JAZF1: variants seen among roughly 807,000 people sequenced by gnomAD.
JAZF1 encodes the protein JAZF zinc finger 1.
Under a neutral mutation model 26.4 loss-of-function variants are expected in JAZF1, and 8 were observed. That is an observed-to-expected ratio of 0.30 (90% CI 0.18 to 0.55). The LOEUF (loss-of-function observed/expected upper bound fraction) is 0.55, where lower values mean the gene tolerates loss of function less well. Among genes scored for constraint, JAZF1 ranks in the 20% least tolerant of loss-of-function variants. The pLI is 0.94. For missense variants in JAZF1, 199 were observed against 322.0 expected (o/e 0.62, Z 2.92); for synonymous variants, 126 against 122.3 (o/e 1.03, Z -0.20).
At chr7:27,847,265 C>G (rs898873068) in intron 3 of JAZF1, among the ~76,000 whole-genome samples, 1 of 151,596 alleles carries the variant, frequency 6.6e-6, no homozygotes, top group Non-Finnish European at 1.5e-5. Flanking sequence ...GCTGGGATTA[C>G]AGGCATGAAC....
At chr7:27,855,076 C>G (rs1783221368) in intron 3 of JAZF1, among the ~76,000 whole-genome samples, 1 of 152,140 alleles carries the variant, frequency 6.6e-6, no homozygotes, top group South Asian at 2.1e-4. Flanking sequence ...ATTCTCTTTT[C>G]TCTAATTTTG....
At chr7:27,901,880 C>T (rs1784165456) in intron 2 of JAZF1, among the ~76,000 whole-genome samples, 1 of 152,162 alleles carries the variant, frequency 6.6e-6, no homozygotes, top group Non-Finnish European at 1.5e-5. Context: ...ATGATTCCAG[C>T]AATAGCACTG....
chr7:27,860,080 G>A (rs1242096401), intron 3 of JAZF1, among the ~76,000 whole-genome samples: 1 of 152,116 alleles, frequency 6.6e-6, no homozygotes, highest in Non-Finnish European at 1.5e-5. Flanking sequence ...GAGGACCATT[G>A]TTACTCACTG....
chr7:27,973,047 T>C (rs1039767256), intron 2 of JAZF1, among the ~76,000 whole-genome samples: 3 of 151,886 alleles, frequency 2.0e-5, no homozygotes, highest in East Asian at 1.9e-4. Flanking sequence ...TAGAGCTATA[T>C]ATATGCATAT....
At position 27,831,410 on chromosome 7, in the gene JAZF1, A is replaced by G. The variant is rs182074216; in HGVS notation, c.*1390T>C. ...GCTATCTCAAAGCATTTTTTATTGC[A>G]TTATTAGGCAACTGGTAAACTCTCG... is the stretch of plus-strand genomic sequence containing the variant. On this transcript the variant is annotated 3_prime_UTR_variant, in exon 5 of 5. Transcript: ENST00000283928. 160 of 228,182 alleles carry G rather than the reference A, an allele frequency of 7.0e-4. No individual in the cohort carries two copies. Among genetic ancestry groups the G allele is most frequent in the African/African-American group, 3.4e-3 (154 of 45,156 alleles). 14.1% of individuals were successfully genotyped at this position (228,182 alleles called of 1,614,324 possible).
intron 2 of JAZF1, among the ~76,000 whole-genome samples, chr7:27,978,732 C>T (rs892193769): frequency 6.6e-6 from 1 of 152,106 alleles, no homozygotes; most frequent in African/African-American, 2.4e-5. Flanking sequence ...CTCTTGGAGA[C>T]TTAAAATGCA....
At chr7:27,917,502 T>C (rs1016017298) in intron 2 of JAZF1, among the ~76,000 whole-genome samples, 14 of 152,204 alleles carry the variant, frequency 9.2e-5, no homozygotes, top group African/African-American at 3.1e-4. Flanking sequence ...TCCCAGGTGA[T>C]CCTGATGCTG....
intron 3 of JAZF1, among the ~76,000 whole-genome samples, chr7:27,884,576 C>A (rs943224731): frequency 6.6e-6 from 1 of 152,230 alleles, no homozygotes. Flanking sequence ...TGATTTCTGT[C>A]ACTGCAGGTT....
intron 1 of JAZF1, among the ~76,000 whole-genome samples, chr7:28,025,098 A>G (rs939656480): frequency 6.6e-6 from 1 of 152,268 alleles, no homozygotes; most frequent in East Asian, 1.9e-4. Flanking sequence ...ATAATCCCCA[A>G]TCCTAACCTG....
At chr7:28,022,126 C>T (rs578051915) in intron 1 of JAZF1, among the ~76,000 whole-genome samples, 1 of 152,274 alleles carries the variant, frequency 6.6e-6, no homozygotes. Flanking sequence ...TCTATGAAAC[C>T]CAGTCTCAAA....
chr7:28,124,786 A>C (rs80335979), intron 1 of JAZF1, among the ~76,000 whole-genome samples: 2,310 of 152,314 alleles, frequency 0.015, 60 homozygotes, highest in African/African-American at 0.053. Context: ...AATAGGAACT[A>C]ATTTTGCTTT....
intron 1 of JAZF1, among the ~76,000 whole-genome samples, chr7:28,052,419 A>C (rs1783631550): frequency 6.6e-6 from 1 of 152,162 alleles, no homozygotes; most frequent in Middle Eastern, 3.2e-3. Context: ...CAGGTGTAAA[A>C]ATCTACTATA....
chr7:28,027,518 G>T (rs768446238), intron 1 of JAZF1, among the ~76,000 whole-genome samples: 1 of 152,176 alleles, frequency 6.6e-6, no homozygotes, highest in Non-Finnish European at 1.5e-5. Context: ...CCCATGAAAT[G>T]CAAAAATCTG....
At chr7:28,048,999 C>CCTT (rs1783542959) in intron 1 of JAZF1, among the ~76,000 whole-genome samples, 1 of 110,150 alleles carries the variant, frequency 9.1e-6, no homozygotes, top group Non-Finnish European at 2.1e-5. Context: ...TTCCTTCCTT[C>CCTT]CCTTCCTTCC....
chr7:28,178,541 T>C (rs898215568), intron 1 of JAZF1, among the ~76,000 whole-genome samples: 3 of 152,184 alleles, frequency 2.0e-5, no homozygotes, highest in Admixed American at 6.5e-5. Flanking sequence ...TATTAATGTA[T>C]AGCATTATCT....
intron 1 of JAZF1, chr7:28,117,990 G>A (rs1478033427): frequency 6.6e-6 from 1 of 152,032 alleles, no homozygotes; most frequent in Non-Finnish European, 1.5e-5. Context: ...ACACCAGTAC[G>A]TGCGGTATTA....
chr7:27,909,553 CA>C (rs1784325141), intron 2 of JAZF1, among the ~76,000 whole-genome samples: 1 of 151,936 alleles, frequency 6.6e-6, no homozygotes, highest in Non-Finnish European at 1.5e-5. Context: ...ACTAAAAATA[CA>C]AAATTAGCCG....
At chr7:28,148,403 T>A (rs1783059700) in intron 1 of JAZF1, among the ~76,000 whole-genome samples, 1 of 152,178 alleles carries the variant, frequency 6.6e-6, no homozygotes, top group African/African-American at 2.4e-5. Flanking sequence ...CACACCATAA[T>A]TTTTTAGAGG....
intron 1 of JAZF1, among the ~76,000 whole-genome samples, chr7:27,997,762 T>TG (rs1388239009): frequency 5.3e-5 from 8 of 151,676 alleles, no homozygotes; most frequent in African/African-American, 9.7e-5. Context: ...TTTTTAGAGT[T>TG]GGGGTCTTGC....
Sources: allele counts gnomAD v4.1 joint callset (sites outside exome capture counted in the v4.1 genomes callset), GRCh38; gene constraint gnomAD v4.1.1; transcripts MANE v1.5; gene names NCBI Gene and HGNC (gene_info 2026-07-23, HGNC 2026-07-21).